The following KIF26B variants were observed in gnomAD, a reference collection of about 807,000 sequenced individuals.
KIF26B encodes kinesin family member 26B.
KIF26B carries 63 observed loss-of-function variants against 151.2 expected under a neutral mutation model. The observed-to-expected ratio is 0.42, with a 90% CI of 0.34 to 0.51. KIF26B has a LOEUF of 0.51. Ranked by LOEUF, KIF26B falls within the 20% of genes least tolerant of loss-of-function variation. The probability of loss-of-function intolerance (pLI) is 0.07; values close to 1 mark genes in which losing one functional copy is unlikely to be tolerated. For missense variants in KIF26B, 2,813 were observed against 2,913.6 expected, an observed-to-expected ratio of 0.97 and a Z score of 0.79; for synonymous variants, 1,357 against 1,262.1, an observed-to-expected ratio of 1.08 and a Z score of -1.59.
chr1:245,592,766 G>A (rs2043301936), intron 5 of KIF26B, among the ~76,000 whole-genome samples: 1 of 151,750 alleles, frequency 6.6e-6, no homozygotes, highest in Non-Finnish European at 1.5e-5. Context: ...TGTGTGTTTT[G>A]TTTGGGCAAA....
Position 245,465,018 on chromosome 1 carries a change from G to A in KIF26B, c.1166+45273G>A, listed in dbSNP as rs1341524434. ...TTTTGAGACTGAGTCTCACTCTGTC[G>A]CCCAGGCTGGAGTGCAGGGGCGCGA... On this transcript the variant is annotated intron_variant, in intron 4 of 14. Transcript: ENST00000407071. 2.8e-4 allele frequency among the ~76,000 whole-genome samples: 37 copies of A among 132,746 alleles called. 1 individual carries two copies. Among genetic ancestry groups the A allele is most frequent in the Admixed American group, 3.1e-4 (4 of 12,974 alleles). 87.1% of individuals were successfully genotyped at this position (132,746 alleles called of 152,430 possible).
chr1:245,204,121 T>C (rs6697031), intron 2 of KIF26B, among the ~76,000 whole-genome samples: 121,694 of 152,156 alleles, frequency 0.8, 50,526 homozygotes, highest in East Asian at 0.92. Flanking sequence ...TCTGCAGTCA[T>C]TGTCCTGCAC....
intron 2 of KIF26B, among the ~76,000 whole-genome samples, chr1:245,181,793 C>T (rs1176110310): frequency 2.6e-5 from 4 of 152,102 alleles, no homozygotes; most frequent in South Asian, 2.1e-4. Flanking sequence ...GCCCTCTAGT[C>T]TCAGCTTTGT....
At position 245,686,127 on chromosome 1, in the gene KIF26B, G is replaced by A. The variant is rs2044513808; in HGVS notation, c.3144G>A (p.Glu1048=). ...GCCCCAGCCTCCAGAGCAGCCGGGA[G>A]AGCCTCAACTCCTGCGGCTTCGTGG... The part of the protein sequence containing the change: ...VQSPSLQSSR[E]SLNSCGFVEG... The change falls in exon 12 of 15, where the codon GAG becomes GAA. Residue 1048 remains glutamate (E), a synonymous_variant. Transcript: ENST00000407071. This position sits in a 1 kb window ranked among gnomAD's most constrained non-coding sequence, Gnocchi z 5.6. 1 of 1,611,578 alleles carries A rather than the reference G, an allele frequency of 6.2e-7. No homozygotes were observed. Among genetic ancestry groups the A allele is most frequent in the African/African-American group, 1.3e-5 (1 of 74,912 alleles).
chr1:245,607,027 T>C (rs1196296551), intron 6 of KIF26B, among the ~76,000 whole-genome samples: 5 of 138,234 alleles, frequency 3.6e-5, no homozygotes, highest in Admixed American at 8.1e-5. Flanking sequence ...GATCGCACCA[T>C]TGCACTCCAG....
intron 2 of KIF26B, among the ~76,000 whole-genome samples, chr1:245,235,525 T>C (rs1670088921): frequency 6.6e-6 from 1 of 151,906 alleles, no homozygotes; most frequent in Admixed American, 6.6e-5. Context: ...CCTAAGAGTT[T>C]GAGGTTGCAA....
chr1:245,510,322 A>T (rs1257861475), intron 4 of KIF26B, among the ~76,000 whole-genome samples: 3 of 152,152 alleles, frequency 2.0e-5, no homozygotes, highest in Admixed American at 6.5e-5. Flanking sequence ...TGTTATTCTC[A>T]TGGGGATATA....
chr1:245,684,524 A>T, intron 11 of KIF26B, 129 bp downstream of exon 11: 1 of 1,001,664 alleles, frequency 1.0e-6, no homozygotes, highest in Non-Finnish European at 1.4e-6. Context: ...CTTGGAGCTG[A>T]CAACACGTGG....
At chr1:245,604,839 A>G (rs1369086669) in intron 6 of KIF26B, among the ~76,000 whole-genome samples, 1 of 152,168 alleles carries the variant, frequency 6.6e-6, no homozygotes, top group African/African-American at 2.4e-5. Context: ...AGTTTTCAAG[A>G]CATTTCGTAG....
rs1668432563 is a variant in KIF26B at position 245,156,373 on chromosome 1, G to C, written c.155G>C (p.Ser52Thr). Residue 52 changes from serine (S) to threonine (T), a missense_variant, in exon 2 of 15, where the codon AGC becomes ACC. Physicochemically the swap from Ser to Thr is moderately conservative, Grantham distance 58. Around this residue, in one of 3 missense-constraint regions of KIF26B, gnomAD observed 676 missense variants for 688.1 expected, o/e 0.98. Coordinates refer to ENST00000407071, the MANE Select transcript of KIF26B (RefSeq NM_018012.4). ...RKAYEESRAG[S>T]RPTPEGAGSA... Reference sequence around the variant, plus strand: ...GCATACGAGGAGTCGCGCGCCGGCAGCCGGCCCACTCCTGAGGGCGCGGGC... The same window carrying C: ...GCATACGAGGAGTCGCGCGCCGGCACCCGGCCCACTCCTGAGGGCGCGGGC... The C allele has an allele frequency of 4.5e-6, 7 of 1,543,846 alleles. No homozygotes were observed. The Middle Eastern group carries it at 5.5e-4, about 120-fold the overall frequency.
At chr1:245,483,114 C>G (rs1572085220) in intron 4 of KIF26B, among the ~76,000 whole-genome samples, 1 of 151,758 alleles carries the variant, frequency 6.6e-6, no homozygotes, top group African/African-American at 2.4e-5. Context: ...CTTTTGCATC[C>G]CCTCCAGATC....
intron 4 of KIF26B, among the ~76,000 whole-genome samples, chr1:245,496,051 C>T (rs900047548): frequency 2.0e-5 from 3 of 152,034 alleles, no homozygotes; most frequent in African/African-American, 7.2e-5. Flanking sequence ...TAGACCAACA[C>T]TAAAAGAAAT....
In KIF26B at chr1:245,671,663, G is replaced by C. The variant is rs77884174; in HGVS notation, c.2259-12570G>C. On this transcript the variant is annotated intron_variant, in intron 10 of 14. Coordinates refer to ENST00000407071, the MANE Select transcript of KIF26B (RefSeq NM_018012.4). Reference sequence around the variant, plus strand: ...TTCACCACAATAAAAATAGGAAAAGGCAGGTGATTTCTAAGGACACAAGTC... The same window carrying C: ...TTCACCACAATAAAAATAGGAAAAGCCAGGTGATTTCTAAGGACACAAGTC... Among the ~76,000 whole-genome samples, 83 of 152,314 alleles carry C rather than the reference G, an allele frequency of 5.4e-4. No homozygotes were observed. The East Asian group carries it at 0.012, about 22-fold the overall frequency.
rs184020024 is a variant in KIF26B, at chr1:245,687,187, C to T, written c.4204C>T (p.Arg1402Trp). The T allele has an allele frequency of 5.7e-5, 92 of 1,612,794 alleles. No homozygotes were observed. The highest frequency in any genetic ancestry group is 2.6e-4 in the South Asian group (24 of 90,866). Residue 1402 changes from arginine (R) to tryptophan (W), a missense_variant, in exon 12 of 15, where the codon CGG becomes TGG. Arg to Trp is a moderately radical substitution (Grantham distance 101). Coordinates refer to ENST00000407071, the MANE Select transcript of KIF26B (RefSeq NM_018012.4). This position sits in a 1 kb window ranked among gnomAD's most constrained non-coding sequence, Gnocchi z 4.9. ...TTACCCCTGCATTGCCATGAGCCCC[C>T]GGAACATCCAAGAGCCGGAGGCCCC... ...TVYPCIAMSP[R>W]NIQEPEAPTA...
At chr1:245,301,475 C>T (rs572440443) in intron 2 of KIF26B, among the ~76,000 whole-genome samples, 6 of 152,218 alleles carry the variant, frequency 3.9e-5, no homozygotes, top group African/African-American at 9.6e-5. Flanking sequence ...ATGGACAGCC[C>T]GGCAGTGCAT....
rs1031113184 is a variant in KIF26B at position 245,558,730 on chromosome 1, T to C, written c.1350+17780T>C. ...ACTTTGAGTTACTTCAGTTACTCTT[T>C]ACCTGGACAACATAACGTCGGGGAA... On this transcript the variant is annotated intron_variant, in intron 5 of 14. Transcript: ENST00000407071. 2.6e-5 allele frequency among the ~76,000 whole-genome samples: 4 copies of C among 152,250 alleles called. No homozygotes were observed. The East Asian group carries it at 7.7e-4, about 29-fold the overall frequency.
intron 2 of KIF26B, among the ~76,000 whole-genome samples, chr1:245,341,797 G>C (rs139890621): frequency 1.6e-4 from 25 of 152,262 alleles, no homozygotes; most frequent in African/African-American, 6.0e-4. Context: ...AAGCAGGCTG[G>C]TGGGCAGGGA....
At chr1:245,605,691 T>C (rs1314991738) in intron 6 of KIF26B, among the ~76,000 whole-genome samples, 1 of 151,980 alleles carries the variant, frequency 6.6e-6, no homozygotes, top group Admixed American at 6.6e-5. Context: ...GCTGCATGCC[T>C]CTCCAGGTCC....
At chr1:245,646,072 T>A (rs745910654) in intron 9 of KIF26B, 49 bp from the exon 10 acceptor site, 1 of 1,586,376 alleles carries the variant, frequency 6.3e-7, no homozygotes, top group Admixed American at 1.7e-5. Flanking sequence ...AACAGATGAG[T>A]GTTTGTCAGA....
Sources: gnomAD v4.1 joint callset for allele counts (sites outside exome capture counted in the v4.1 genomes callset) on GRCh38, gnomAD v4.1.1 for gene constraint, gnomAD v4.1.1 regional missense constraint, Gnocchi (gnomAD v3.1) non-coding constraint, MANE v1.5 for transcripts, NCBI Gene and HGNC (gene_info 2026-07-23, HGNC 2026-07-21) for gene names.